Variants in PRKN observed in about 807,000 individuals in gnomAD.
The protein encoded by PRKN is E3 ubiquitin-protein ligase parkin.
PRKN carries 56 observed loss-of-function variants against 59.5 expected under a neutral mutation model. The observed-to-expected ratio is 0.94, with a 90% confidence interval of 0.76 to 1.18. PRKN has a LOEUF of 1.18. Among genes scored for constraint, PRKN ranks in the 50% most tolerant of loss-of-function variants. The pLI is 0.00. For missense variants in PRKN, 657 were observed against 596.4 expected, an observed-to-expected ratio of 1.10 and a Z score of -1.06; for synonymous variants, 250 against 222.1, an observed-to-expected ratio of 1.13 and a Z score of -1.12.
chr6:162,280,928 C>T (rs1780869376), intron 2 of PRKN, among the ~76,000 whole-genome samples: 1 of 151,832 alleles, frequency 6.6e-6, no homozygotes, highest in Admixed American at 6.6e-5. Context: ...CACATATACA[C>T]CATGGAATAC....
chr6:162,532,995 TA>T (rs1370694883), intron 1 of PRKN, among the ~76,000 whole-genome samples: 1 of 152,206 alleles, frequency 6.6e-6, no homozygotes, highest in African/African-American at 2.4e-5. Context: ...ACTGACAACC[TA>T]AACTACATCT....
At chr6:162,143,012 T>C (rs779619147) in intron 4 of PRKN, among the ~76,000 whole-genome samples, 1 of 152,252 alleles carries the variant, frequency 6.6e-6, no homozygotes, top group South Asian at 2.1e-4. Flanking sequence ...TGATTTGCAG[T>C]GTTGGCACGT....
At chr6:161,728,849 C>G (rs1787558912) in intron 7 of PRKN, among the ~76,000 whole-genome samples, 1 of 152,160 alleles carries the variant, frequency 6.6e-6, no homozygotes, top group African/African-American at 2.4e-5. Context: ...ATAGCAGGAA[C>G]ATATTTTGTA....
chr6:161,635,229 T>C (rs2128156262), intron 7 of PRKN, among the ~76,000 whole-genome samples: 1 of 152,234 alleles, frequency 6.6e-6, no homozygotes, highest in East Asian at 1.9e-4. Flanking sequence ...GTAAATAAGG[T>C]GCAAACAAAC....
intron 1 of PRKN, among the ~76,000 whole-genome samples, chr6:162,565,697 A>AATACATAC (rs55883841): frequency 0.038 from 5,703 of 148,746 alleles, 128 homozygotes; most frequent in Admixed American, 0.071. Context: ...TCTCAAAATA[A>AATACATAC]ATACATACAT....
At chr6:162,390,878 A>C (rs1264076738) in intron 2 of PRKN, among the ~76,000 whole-genome samples, 1 of 152,192 alleles carries the variant, frequency 6.6e-6, no homozygotes, top group Non-Finnish European at 1.5e-5. Context: ...ATAAAAACAG[A>C]AGTTAAATAA....
chr6:161,832,085 T>C (rs1271386890), intron 6 of PRKN, among the ~76,000 whole-genome samples: 2 of 152,238 alleles, frequency 1.3e-5, no homozygotes, highest in African/African-American at 4.8e-5. Flanking sequence ...GATTCACATG[T>C]TCTTCCTTTT....
At chr6:162,444,016 A>G (rs1379804179) in intron 1 of PRKN, among the ~76,000 whole-genome samples, 1 of 152,126 alleles carries the variant, frequency 6.6e-6, no homozygotes, top group Non-Finnish European at 1.5e-5. Context: ...GTCTATGAAG[A>G]CAATTATTTG....
chr6:162,402,863 G>A (rs1025375800), intron 2 of PRKN, among the ~76,000 whole-genome samples: 10 of 151,774 alleles, frequency 6.6e-5, no homozygotes, highest in Admixed American at 1.3e-4. Context: ...TGTATTGCCC[G>A]GGCTGGTTTC....
At chr6:162,401,329 G>A (rs1386458331) in intron 2 of PRKN, among the ~76,000 whole-genome samples, 1 of 151,542 alleles carries the variant, frequency 6.6e-6, no homozygotes, top group Non-Finnish European at 1.5e-5. Flanking sequence ...GATACTCCTT[G>A]ACTTACAATA....
rs1787244526 is a variant in PRKN at position 161,405,781 on chromosome 6, G to A, written c.1084-18904C>T. On this transcript the variant is annotated intron_variant, in intron 9 of 11. Transcript: ENST00000366898. This position sits in a 1 kb window ranked among gnomAD's most constrained non-coding sequence, Gnocchi z 5.1. ...TCGTACCCGTTGGGCCATTTGAGAA[G>A]TGGCAACAGGGGATCAGCAGAAGGG... Among the ~76,000 whole-genome samples, 1 of 152,056 alleles carries A rather than the reference G, an allele frequency of 6.6e-6. No homozygotes were observed. Among genetic ancestry groups the A allele is most frequent in the Non-Finnish European group, 1.5e-5 (1 of 68,010 alleles).
Position 161,397,140 on chromosome 6 carries a change from C to T in PRKN, c.1084-10263G>A, listed in dbSNP as rs1301683569. ...TCTATATGAAACTGTCTCCACCTAT[C>T]TCCTCTTCTAAAGGGATAGGATTTG... On this transcript the variant is annotated intron_variant, in intron 9 of 11. Transcript: ENST00000366898. The surrounding 1 kb of genome is among the most constrained non-coding windows in gnomAD (Gnocchi z 4.2). Among the ~76,000 whole-genome samples the T allele has an allele frequency of 2.0e-5, 3 of 152,192 alleles. No individual in the cohort carries two copies. The highest frequency in any genetic ancestry group is 1.9e-4 in the East Asian group (1 of 5,202).
At chr6:161,692,380 A>T (rs1785832745) in intron 7 of PRKN, among the ~76,000 whole-genome samples, 1 of 152,206 alleles carries the variant, frequency 6.6e-6, no homozygotes. Flanking sequence ...ATGACCACTG[A>T]GCACGTCATT....
chr6:162,720,000 G>T (rs1290234389), intron 1 of PRKN, among the ~76,000 whole-genome samples: 1 of 152,004 alleles, frequency 6.6e-6, no homozygotes, highest in Non-Finnish European at 1.5e-5. Flanking sequence ...CAAGTTTCAG[G>T]TGTCTACTTC....
chr6:162,341,072 GGA>G, intron 2 of PRKN, among the ~76,000 whole-genome samples: 1 of 151,350 alleles, frequency 6.6e-6, no homozygotes, highest in African/African-American at 2.4e-5. Context: ...AATTTACAAG[GGA>G]AAAAAAAACA....
At chr6:162,234,579 T>G (rs1304324980) in intron 3 of PRKN, among the ~76,000 whole-genome samples, 2 of 152,218 alleles carry the variant, frequency 1.3e-5, no homozygotes, top group Non-Finnish European at 2.9e-5. Flanking sequence ...CACATCCTAC[T>G]GTATACTTTA....
Position 162,390,375 on chromosome 6 carries a change from G to GTATATATA in PRKN, c.171+52927_171+52934dup, listed in dbSNP as rs369827763. On this transcript the variant is annotated intron_variant, in intron 2 of 11. Transcript: ENST00000366898. ...GCCACATGGTGATTATACTGCTAAG[G>GTATATATA]TATATATATATATATATATATACAC... 6.0e-3 allele frequency among the ~76,000 whole-genome samples: 594 copies of GTATATATA among 98,698 alleles called. 3 individuals carry two copies. The highest frequency in any genetic ancestry group is 0.025 in the African/African-American group (549 of 21,998). The allele number at this position is 98,698 out of a possible 152,430, so 64.7% of individuals were successfully genotyped here.
intron 2 of PRKN, among the ~76,000 whole-genome samples, chr6:162,289,943 T>C (rs997213388): frequency 6.6e-6 from 1 of 152,154 alleles, no homozygotes; most frequent in Non-Finnish European, 1.5e-5. Flanking sequence ...ATGACCTACC[T>C]GGAAGTAAGA....
chr6:161,987,671 G>A (rs1006232049), intron 5 of PRKN, among the ~76,000 whole-genome samples: 2 of 151,950 alleles, frequency 1.3e-5, no homozygotes, highest in Non-Finnish European at 1.5e-5. Context: ...ATTTTCAGCC[G>A]ATGATTGAAC....
Sources: allele counts gnomAD v4.1 joint callset (sites outside exome capture counted in the v4.1 genomes callset), GRCh38; gene constraint gnomAD v4.1.1; non-coding constraint Gnocchi (gnomAD v3.1); transcripts MANE v1.5; gene names NCBI Gene and HGNC (gene_info 2026-07-23, HGNC 2026-07-21).